The following SNTB1 variants were observed in gnomAD, a reference collection of about 807,000 sequenced individuals.
SNTB1 encodes syntrophin beta 1.
SNTB1 carries 36 observed loss-of-function variants against 48.9 expected under a neutral mutation model. The ratio of observed to expected loss-of-function variants is 0.74; its 90% confidence interval spans 0.56 to 0.97. The LOEUF (loss-of-function observed/expected upper bound fraction) is 0.97. Ranked by LOEUF, SNTB1 falls within the 50% of genes least tolerant of loss-of-function variation. SNTB1 has a pLI of 0.00. For missense variants in SNTB1, 786 were observed against 703.4 expected, an observed-to-expected ratio of 1.12 and a Z score of -1.33; for synonymous variants, 299 against 294.6, an observed-to-expected ratio of 1.01 and a Z score of -0.15.
At chr8:120,661,513 A>C (rs961473458) in intron 2 of SNTB1, among the ~76,000 whole-genome samples, 3 of 152,100 alleles carry the variant, frequency 2.0e-5, no homozygotes, top group African/African-American at 7.2e-5. Context: ...AAGTTCTAGG[A>C]TACATGTGCT....
In SNTB1 at chr8:120,721,871, A is replaced by G. The variant is rs538724200; in HGVS notation, c.572-27963T>C. 3.0e-4 allele frequency among the ~76,000 whole-genome samples: 39 copies of G among 128,040 alleles called. No homozygotes were observed. The South Asian group carries it at 5.2e-3, about 17-fold the overall frequency. The allele number at this position is 128,040 out of a possible 152,430, so 84.0% of individuals were successfully genotyped here. A position where few individuals can be genotyped will look rare whatever the true frequency, so the allele number is the denominator to read the frequency against. On this transcript the variant is annotated intron_variant, in intron 1 of 6. Transcript: ENST00000517992. ...TCATTTACATTAGGTATTTCTCCCA[A>G]TGCTATCCCCTCCCCCTGCCCCCCA...
At chr8:120,573,952 G>C (rs1452571037) in intron 4 of SNTB1, among the ~76,000 whole-genome samples, 1 of 152,160 alleles carries the variant, frequency 6.6e-6, no homozygotes, top group African/African-American at 2.4e-5. Context: ...TTTGAAATCA[G>C]GAAGTGTGAT....
intron 2 of SNTB1, among the ~76,000 whole-genome samples, chr8:120,655,485 C>A (rs1419010331): frequency 6.6e-6 from 1 of 152,134 alleles, no homozygotes; most frequent in Non-Finnish European, 1.5e-5. Flanking sequence ...GTCTATTTCA[C>A]AGATAAGAAG....
At chr8:120,795,886 T>C (rs895674437) in intron 1 of SNTB1, among the ~76,000 whole-genome samples, 1 of 152,008 alleles carries the variant, frequency 6.6e-6, no homozygotes, top group Non-Finnish European at 1.5e-5. Context: ...CCTATGTGCA[T>C]GAATGTTTCC....
intron 6 of SNTB1, among the ~76,000 whole-genome samples, chr8:120,541,487 T>C (rs1410771563): frequency 6.6e-6 from 1 of 152,222 alleles, no homozygotes; most frequent in Non-Finnish European, 1.5e-5. Flanking sequence ...GCCAAGGTTA[T>C]ATGAGACGCT....
At chr8:120,673,063 A>T (rs1817781633) in intron 2 of SNTB1, among the ~76,000 whole-genome samples, 1 of 152,212 alleles carries the variant, frequency 6.6e-6, no homozygotes, top group Non-Finnish European at 1.5e-5. Flanking sequence ...GTGGCTCTGC[A>T]CCCTGGATGC....
intron 1 of SNTB1, among the ~76,000 whole-genome samples, chr8:120,739,356 C>G (rs1819005212): frequency 6.6e-6 from 1 of 152,106 alleles, no homozygotes; most frequent in East Asian, 1.9e-4. Context: ...AACGAGCTAG[C>G]CTAATGAGAA....
At chr8:120,686,194 A>G (rs1285810934) in intron 2 of SNTB1, among the ~76,000 whole-genome samples, 1 of 152,166 alleles carries the variant, frequency 6.6e-6, no homozygotes, top group Admixed American at 6.5e-5. Context: ...GCCTCTACCC[A>G]TTACCCAGTT....
At chr8:120,648,591 C>T in intron 2 of SNTB1, among the ~76,000 whole-genome samples, 1 of 151,884 alleles carries the variant, frequency 6.6e-6, no homozygotes, top group Non-Finnish European at 1.5e-5. Context: ...TCTCTGGCTG[C>T]CCTTAACATT....
chr8:120,595,665 C>A (rs565395136), intron 3 of SNTB1, among the ~76,000 whole-genome samples: 1 of 151,966 alleles, frequency 6.6e-6, no homozygotes, highest in Non-Finnish European at 1.5e-5. Flanking sequence ...CTCACTGCAA[C>A]CTCTGCCTCA....
intron 1 of SNTB1, among the ~76,000 whole-genome samples, chr8:120,745,624 G>C (rs1003148973): frequency 5.9e-5 from 9 of 152,082 alleles, no homozygotes; most frequent in African/African-American, 1.7e-4. Flanking sequence ...TTTACTGAAG[G>C]CTTTAGAAAC....
intron 4 of SNTB1, among the ~76,000 whole-genome samples, chr8:120,567,136 T>C (rs1293506118): frequency 2.0e-5 from 3 of 152,164 alleles, no homozygotes; most frequent in Non-Finnish European, 4.4e-5. Context: ...ATCTGTGAAA[T>C]AGGAATAAAA....
At chr8:120,760,916 AT>A (rs1273129999) in intron 1 of SNTB1, among the ~76,000 whole-genome samples, 1 of 152,218 alleles carries the variant, frequency 6.6e-6, no homozygotes, top group Non-Finnish European at 1.5e-5. Context: ...GCATGAAAAA[AT>A]ACCGTAAACA....
chr8:120,772,221 A>G (rs934186272), intron 1 of SNTB1, among the ~76,000 whole-genome samples: 1 of 147,868 alleles, frequency 6.8e-6, no homozygotes, highest in Non-Finnish European at 1.5e-5. Context: ...TCTCTCACAT[A>G]TGGGGTTAGG....
intron 3 of SNTB1, among the ~76,000 whole-genome samples, chr8:120,583,552 C>CAA (rs1407823097): frequency 1.2e-4 from 13 of 108,046 alleles, no homozygotes; most frequent in African/African-American, 3.5e-4. Flanking sequence ...CACACACACA[C>CAA]ACACACACAA....
chr8:120,576,494 C>A (rs1384307591), intron 3 of SNTB1, among the ~76,000 whole-genome samples: 2 of 152,194 alleles, frequency 1.3e-5, no homozygotes, highest in African/African-American at 2.4e-5. Context: ...AGAAGATTTA[C>A]AGAATGATGT....
At chr8:120,652,349 A>G (rs1817422266) in intron 2 of SNTB1, among the ~76,000 whole-genome samples, 1 of 152,210 alleles carries the variant, frequency 6.6e-6, no homozygotes, top group Non-Finnish European at 1.5e-5. Flanking sequence ...TACTGAATGC[A>G]GTGTAATGCA....
At chr8:120,636,439 G>A (rs1041194148) in intron 2 of SNTB1, among the ~76,000 whole-genome samples, 2 of 122,652 alleles carry the variant, frequency 1.6e-5, no homozygotes, top group African/African-American at 6.2e-5. Flanking sequence ...TCCCCTTCCT[G>A]TGTCCATGTG....
chr8:120,773,253 C>G (rs1480469300), intron 1 of SNTB1, among the ~76,000 whole-genome samples: 1 of 152,146 alleles, frequency 6.6e-6, no homozygotes, highest in East Asian at 1.9e-4. Flanking sequence ...CATGATGGTT[C>G]ATGTCTGTAA....
Sources: gnomAD v4.1 joint callset for allele counts (sites outside exome capture counted in the v4.1 genomes callset) on GRCh38, gnomAD v4.1.1 for gene constraint, MANE v1.5 for transcripts, NCBI Gene and HGNC (gene_info 2026-07-23, HGNC 2026-07-21) for gene names.